Variants in KCNIP4 observed in about 807,000 individuals in gnomAD.
KCNIP4 encodes Kv channel-interacting protein 4.
In KCNIP4, 12 loss-of-function variants were observed where a neutral mutation model predicts 34.0. That is an observed-to-expected ratio of 0.35 (90% CI 0.23 to 0.57). KCNIP4 has a LOEUF of 0.57. KCNIP4 is among the 20% of genes least tolerant of loss of function. KCNIP4 has a pLI of 0.83. For synonymous variants in KCNIP4, 124 were observed against 102.2 expected (o/e 1.21, Z -1.29); for missense variants, 238 against 311.7 (o/e 0.76, Z 1.78).
chr4:21,515,814 T>A (rs1042300837), intron 1 of KCNIP4, among the ~76,000 whole-genome samples: 2 of 152,180 alleles, frequency 1.3e-5, no homozygotes, highest in African/African-American at 2.4e-5. Flanking sequence ...TCTTCCACCA[T>A]GGGATGACAC....
chr4:21,701,597 G>A (rs1225102239), intron 1 of KCNIP4, among the ~76,000 whole-genome samples: 1 of 152,088 alleles, frequency 6.6e-6, no homozygotes, highest in Non-Finnish European at 1.5e-5. Flanking sequence ...TAGTCTTCTA[G>A]GGTTAAGAGA....
chr4:21,914,803 C>A (rs150293102), intron 1 of KCNIP4, among the ~76,000 whole-genome samples: 20 of 152,194 alleles, frequency 1.3e-4, no homozygotes, highest in Middle Eastern at 6.8e-3. Context: ...GCAGTGGCAT[C>A]ACCTTCAAGG....
chr4:21,137,130 T>C (rs1751558324), intron 1 of KCNIP4, among the ~76,000 whole-genome samples: 1 of 152,170 alleles, frequency 6.6e-6, no homozygotes, highest in African/African-American at 2.4e-5. Context: ...GGGTTGAACA[T>C]GGTAAAAGAT....
chr4:20,811,491 A>ATG (rs754289052), intron 3 of KCNIP4, among the ~76,000 whole-genome samples: 10,422 of 147,524 alleles, frequency 0.071, 453 homozygotes, highest in Non-Finnish European at 0.1. Context: ...GTGTGTGTGC[A>ATG]TGTGTGTGTG....
At chr4:21,910,035 T>G (rs562701163) in intron 1 of KCNIP4, among the ~76,000 whole-genome samples, 7 of 152,034 alleles carry the variant, frequency 4.6e-5, no homozygotes, top group African/African-American at 1.7e-4. Context: ...TTAATAAACA[T>G]TAGGTGAATA....
At position 21,852,858 on chromosome 4, in the gene KCNIP4, C is replaced by T. The variant is rs558893389; in HGVS notation, c.61+95713G>A. 6.6e-5 allele frequency: 10 copies of T among 152,286 alleles called. No individual in the cohort carries two copies. In the South Asian group the frequency reaches 2.1e-3, roughly 32 times the overall value. The allele number at this position is 152,286 out of a possible 1,614,324, so 9.4% of individuals were successfully genotyped here. ...ACAATTCCAAAATTCACCTATCTCA[C>T]TAAAACAGTGAAGAACCATGATTTC... is the stretch of plus-strand genomic sequence containing the variant. On this transcript the variant is annotated intron_variant, in intron 1 of 8. Coordinates refer to ENST00000382152, the MANE Select transcript of KCNIP4 (RefSeq NM_025221.6).
intron 1 of KCNIP4, among the ~76,000 whole-genome samples, chr4:21,947,011 C>G (rs1698417339): frequency 1.3e-5 from 2 of 152,304 alleles, no homozygotes; most frequent in South Asian, 4.1e-4. Flanking sequence ...AGTCAAAGAG[C>G]TGTGGTCACT....
chr4:20,841,880 G>T (rs928199925), intron 3 of KCNIP4, among the ~76,000 whole-genome samples: 1 of 152,056 alleles, frequency 6.6e-6, no homozygotes, highest in African/African-American at 2.4e-5. Context: ...TCATGATTTT[G>T]GGTTGTTCTT....
At chr4:21,551,970 C>G (rs1167897545) in intron 1 of KCNIP4, among the ~76,000 whole-genome samples, 1 of 150,182 alleles carries the variant, frequency 6.7e-6, no homozygotes, top group Non-Finnish European at 1.5e-5. Context: ...CCTATGTAGA[C>G]ATCATTCGAC....
At chr4:20,970,896 G>A (rs1278186370) in intron 1 of KCNIP4, among the ~76,000 whole-genome samples, 5 of 152,246 alleles carry the variant, frequency 3.3e-5, no homozygotes, top group African/African-American at 1.2e-4. Flanking sequence ...CTACATATGC[G>A]GTGCTTGAAA....
intron 1 of KCNIP4, among the ~76,000 whole-genome samples, chr4:21,575,559 T>C (rs1302009511): frequency 6.6e-6 from 1 of 152,152 alleles, no homozygotes; most frequent in Non-Finnish European, 1.5e-5. Flanking sequence ...TTTTCTTTCT[T>C]TAGCTAACTT....
chr4:21,747,555 A>C (rs1416566482), intron 1 of KCNIP4, among the ~76,000 whole-genome samples: 2 of 152,118 alleles, frequency 1.3e-5, no homozygotes, highest in African/African-American at 2.4e-5. Flanking sequence ...CTTTTTGGTA[A>C]AATACCAAGA....
At chr4:20,884,760 T>G (rs961290115) in intron 1 of KCNIP4, among the ~76,000 whole-genome samples, 1 of 147,752 alleles carries the variant, frequency 6.8e-6, no homozygotes, top group Non-Finnish European at 1.5e-5. Context: ...CAGGCTGGAG[T>G]GCAGTGGCGC....
chr4:21,858,744 AT>A (rs1396136505), intron 1 of KCNIP4, among the ~76,000 whole-genome samples: 1 of 152,226 alleles, frequency 6.6e-6, no homozygotes, highest in East Asian at 1.9e-4. Context: ...CAGCTTAAAA[AT>A]TTTCTCATAA....
chr4:21,487,495 T>C (rs1371123875), intron 1 of KCNIP4, among the ~76,000 whole-genome samples: 1 of 145,390 alleles, frequency 6.9e-6, no homozygotes, highest in Admixed American at 7.1e-5. Context: ...TGTAAAGTCA[T>C]TCTTTTTTAT....
chr4:21,600,883 CCTG>C (rs1260685329), intron 1 of KCNIP4, among the ~76,000 whole-genome samples: 1 of 151,984 alleles, frequency 6.6e-6, no homozygotes, highest in East Asian at 1.9e-4. Context: ...TGCTCAGGTA[CCTG>C]CTAATAGACA....
chr4:21,077,456 A>T (rs1196603526), intron 1 of KCNIP4, among the ~76,000 whole-genome samples: 1 of 152,172 alleles, frequency 6.6e-6, no homozygotes, highest in Non-Finnish European at 1.5e-5. Flanking sequence ...TTACTAACTC[A>T]TAAGAAGTTC....
At chr4:21,927,711 G>A (rs1265194548) in intron 1 of KCNIP4, among the ~76,000 whole-genome samples, 2 of 152,076 alleles carry the variant, frequency 1.3e-5, no homozygotes, top group Non-Finnish European at 2.9e-5. Context: ...GCATTACCTT[G>A]TTTCTAATGA....
chr4:20,838,726 G>A (rs929032934), intron 3 of KCNIP4, among the ~76,000 whole-genome samples: 4 of 152,120 alleles, frequency 2.6e-5, no homozygotes, highest in Non-Finnish European at 4.4e-5. Flanking sequence ...AACCTGGGTC[G>A]CTGAATGACA....
Sources: allele counts gnomAD v4.1 joint callset (sites outside exome capture counted in the v4.1 genomes callset), GRCh38; gene constraint gnomAD v4.1.1; transcripts MANE v1.5; gene names NCBI Gene and HGNC (gene_info 2026-07-23, HGNC 2026-07-21).